The following PTPRE variants were observed in gnomAD, a reference collection of about 807,000 sequenced individuals.
PTPRE encodes the protein receptor-type tyrosine-protein phosphatase epsilon.
Under a neutral mutation model 102.0 loss-of-function variants are expected in PTPRE, and 51 were observed. That is an observed-to-expected ratio of 0.50 (90% CI 0.40 to 0.63). The LOEUF (loss-of-function observed/expected upper bound fraction) is 0.63. PTPRE is among the 30% of genes least tolerant of loss of function. The pLI, the probability that PTPRE is intolerant of heterozygous loss-of-function variation, is 0.00. For synonymous variants in PTPRE, 345 were observed against 348.2 expected, an observed-to-expected ratio of 0.99 and a Z score of 0.10; for missense variants, 752 against 915.1, an observed-to-expected ratio of 0.82 and a Z score of 2.30.
Position 128,082,815 on chromosome 10 carries a change from C to A in PTPRE, c.2029-17C>A. 1 of 1,547,594 alleles carries A rather than the reference C, an allele frequency of 6.5e-7. No individual in the cohort carries two copies. Among genetic ancestry groups the A allele is most frequent in the South Asian group, 1.3e-5 (1 of 76,644 alleles). Reference sequence around the variant, plus strand: ...TTTGGGAATATCATTTTAATGTGTCCTTGTTTGTCTTTTCAGGAACAGTAT... The same window carrying A: ...TTTGGGAATATCATTTTAATGTGTCATTGTTTGTCTTTTCAGGAACAGTAT... On this transcript the variant is annotated splice_polypyrimidine_tract_variant and intron_variant, in intron 20 of 20. Transcript: ENST00000254667.
At chr10:128,067,625 A>T (rs749009488) in intron 11 of PTPRE, among the ~76,000 whole-genome samples, 8 of 152,332 alleles carry the variant, frequency 5.3e-5, no homozygotes, top group Middle Eastern at 3.4e-3. Context: ...AATTAAACTC[A>T]TGGGCTCTGG....
chr10:127,973,629 T>A (rs772487649), intron 1 of PTPRE, among the ~76,000 whole-genome samples: 9 of 152,190 alleles, frequency 5.9e-5, no homozygotes, highest in Non-Finnish European at 1.2e-4. Context: ...CAAACGTCTC[T>A]GCTCTGAGTA....
At chr10:128,041,977 A>G (rs1296841016) in intron 3 of PTPRE, among the ~76,000 whole-genome samples, 1 of 152,222 alleles carries the variant, frequency 6.6e-6, no homozygotes, top group Non-Finnish European at 1.5e-5. Flanking sequence ...CAGAACCTCT[A>G]GCAAGGAGAG....
intron 1 of PTPRE, among the ~76,000 whole-genome samples, chr10:127,923,237 G>A (rs970580102): frequency 6.6e-6 from 1 of 152,212 alleles, no homozygotes; most frequent in African/African-American, 2.4e-5. Flanking sequence ...CACCTTATCA[G>A]GTGAGGGGTG....
At position 128,082,932 on chromosome 10, in the gene PTPRE, A is replaced by G. The variant is rs1564983856; in HGVS notation, c.*26A>G. On this transcript the variant is annotated 3_prime_UTR_variant, in exon 21 of 21. Transcript: ENST00000254667. ...AGATTCCTGCCTTAAAATATTTTTT[A>G]ATTTAATGGTCAGTATATTTTGTAA... 3 of 1,512,406 alleles carry G rather than the reference A, an allele frequency of 2.0e-6. No individual in the cohort carries two copies. The highest frequency in any genetic ancestry group is 2.7e-6 in the Non-Finnish European group (3 of 1,129,084). 93.7% of individuals were successfully genotyped at this position (1,512,406 alleles called of 1,614,324 possible).
intron 17 of PTPRE, among the ~76,000 whole-genome samples, chr10:128,074,704 A>G (rs1851079714): frequency 6.6e-6 from 1 of 151,948 alleles, no homozygotes; most frequent in Non-Finnish European, 1.5e-5. Context: ...TTCAGGTAGT[A>G]GTTTTTGTAT....
chr10:128,028,146 C>T lies in PTPRE; in HGVS notation c.-7-12729C>T, dbSNP rs990934595. 2.6e-5 allele frequency among the ~76,000 whole-genome samples: 4 copies of T among 152,198 alleles called. No individual in the cohort carries two copies. Among genetic ancestry groups the T allele is most frequent in the Admixed American group, 2.0e-4 (3 of 15,290 alleles). On this transcript the variant is annotated intron_variant, in intron 2 of 20. Transcript: ENST00000254667. This position sits in a 1 kb window ranked among gnomAD's most constrained non-coding sequence, Gnocchi z 4.5. ...GAGAACACTGTACTTCGCCAGCCTG[C>T]GGCAGACACATTATTCACAGAACTT...
rs1184061080 is a variant in PTPRE, at chr10:127,995,919, C to G, written c.-8+13623C>G. Among the ~76,000 whole-genome samples the G allele has an allele frequency of 2.6e-5, 4 of 152,034 alleles. No individual in the cohort carries two copies. In the East Asian group the frequency reaches 7.7e-4, roughly 29 times the overall value. ...ATTTGACCTCTATTTGTAAAGGGTGCATTAGCGTGAAATGGAGGGGGGCTT... is the reference window on the plus strand; with the variant it reads ...ATTTGACCTCTATTTGTAAAGGGTGGATTAGCGTGAAATGGAGGGGGGCTT... On this transcript the variant is annotated intron_variant, in intron 2 of 20. Transcript: ENST00000254667.
At position 128,070,989 on chromosome 10, in the gene PTPRE, C is replaced by T. The variant is rs1330904346; in HGVS notation, c.1387+88C>T. The T allele has an allele frequency of 7.6e-7, 1 of 1,318,838 alleles. No individual in the cohort carries two copies. The highest frequency in any genetic ancestry group is 2.4e-5 in the East Asian group (1 of 42,048). 81.7% of individuals were successfully genotyped at this position (1,318,838 alleles called of 1,614,324 possible). On this transcript the variant is annotated intron_variant, in intron 15 of 20. Coordinates refer to ENST00000254667, the MANE Select transcript of PTPRE (RefSeq NM_006504.6). The surrounding 1 kb of genome is among the most constrained non-coding windows in gnomAD (Gnocchi z 4.8). ...CCTGGAGAAGCCATTGACCGCTTAC[C>T]CCTGTGCACCAGGGTCAAAAGCAGG... is the stretch of plus-strand genomic sequence containing the variant.
intron 1 of PTPRE, among the ~76,000 whole-genome samples, chr10:127,922,413 A>G (rs1846668616): frequency 6.6e-6 from 1 of 152,140 alleles, no homozygotes; most frequent in Admixed American, 6.5e-5. Context: ...CCTGCTCTGG[A>G]GACTCCGTGG....
rs1564962609 is a variant in PTPRE at position 128,070,325 on chromosome 10, GC to G, written c.1170del (p.Leu391TyrfsTer43). On this transcript the variant is annotated frameshift_variant, in exon 14 of 21. Transcript: ENST00000254667. LOFTEE classifies it high-confidence loss of function. This position sits in a 1 kb window ranked among gnomAD's most constrained non-coding sequence, Gnocchi z 4.8. ...GATGCAGTACACGTTCATCTACCAA[GC>G]CTTACTCGAGTACTACCTCTACGGG... ...TDMQYTFIYQ[A>X]LLEYYLYGDT... 6.2e-7 allele frequency: 1 copy of G among 1,613,382 alleles called. No individual in the cohort carries two copies. The highest frequency in any genetic ancestry group is 8.5e-7 in the Non-Finnish European group (1 of 1,179,664).
chr10:128,030,598 C>A (rs1260802040), intron 2 of PTPRE, among the ~76,000 whole-genome samples: 1 of 152,196 alleles, frequency 6.6e-6, no homozygotes. Context: ...TGGAGCACCT[C>A]CTCTGTGGCA....
At chr10:127,920,003 G>A (rs963520362) in intron 1 of PTPRE, among the ~76,000 whole-genome samples, 1 of 152,030 alleles carries the variant, frequency 6.6e-6, no homozygotes, top group Non-Finnish European at 1.5e-5. Flanking sequence ...TGGCATCTTG[G>A]AAATTGGAGC....
Position 127,907,219 on chromosome 10 carries a change from C to CCGGGCGCCCCGGAGGGCGGCGGG in PTPRE, c.-119_-97dup. 1.0e-6 allele frequency: 1 copy of CCGGGCGCCCCGGAGGGCGGCGGG among 981,308 alleles called. No homozygotes were observed. Among genetic ancestry groups the CCGGGCGCCCCGGAGGGCGGCGGG allele is most frequent in the Non-Finnish European group, 1.2e-6 (1 of 826,750 alleles). 60.8% of individuals were successfully genotyped at this position (981,308 alleles called of 1,614,324 possible). On this transcript the variant is annotated 5_prime_UTR_variant, in exon 1 of 21. Coordinates refer to ENST00000254667, the MANE Select transcript of PTPRE (RefSeq NM_006504.6). The surrounding 1 kb of genome is among the most constrained non-coding windows in gnomAD (Gnocchi z 4.8). ...CCTTCTTCGCGCCCGGCGAAGACAG[C>CCGGGCGCCCCGGAGGGCGGCGGG]CGGGCGCCCCGGAGGGCGGCGGGCA...
intron 1 of PTPRE, among the ~76,000 whole-genome samples, chr10:127,947,037 G>GC (rs1848672744): frequency 7.2e-6 from 1 of 138,408 alleles, no homozygotes; most frequent in African/African-American, 2.8e-5. Flanking sequence ...AAAAAAAAAA[G>GC]CTATATGTTT....
chr10:127,907,849 G>T lies in PTPRE; in HGVS notation c.-31+540G>T, dbSNP rs144028865. On this transcript the variant is annotated intron_variant, in intron 1 of 20. Transcript: ENST00000254667. This position sits in a 1 kb window ranked among gnomAD's most constrained non-coding sequence, Gnocchi z 4.8. ...GCCTTCCCAGGGAGGCAGGTGGAGCGGGATGCAGCAGCCGCCGGGGGTCGG... is the reference window on the plus strand; with the variant it reads ...GCCTTCCCAGGGAGGCAGGTGGAGCTGGATGCAGCAGCCGCCGGGGGTCGG... Among the ~76,000 whole-genome samples, 926 of 152,310 alleles carry T rather than the reference G, an allele frequency of 6.1e-3. 6 individuals carry two copies. Among genetic ancestry groups the T allele is most frequent in the Middle Eastern group, 0.017 (5 of 294 alleles).
chr10:127,952,978 G>A (rs920246094), intron 1 of PTPRE, among the ~76,000 whole-genome samples: 4 of 152,116 alleles, frequency 2.6e-5, no homozygotes, highest in Non-Finnish European at 4.4e-5. Flanking sequence ...AGTGGTATGG[G>A]GCATGTCAAG....
chr10:128,085,419 T>C lies in PTPRE; in HGVS notation c.*2513T>C. ...TTGGGTTCAAATGCCAAATAGTGAT[T>C]AGAAGACGACCATTCTGATCTGTGT... On this transcript the variant is annotated 3_prime_UTR_variant, in exon 21 of 21. Coordinates refer to ENST00000254667, the MANE Select transcript of PTPRE (RefSeq NM_006504.6). The C allele has an allele frequency of 4.8e-6, 1 of 208,586 alleles. No individual in the cohort carries two copies. The highest frequency in any genetic ancestry group is 1.0e-5 in the Non-Finnish European group (1 of 98,566). The allele number at this position is 208,586 out of a possible 1,614,324, so 12.9% of individuals were successfully genotyped here.
chr10:127,985,983 T>C (rs891153097), intron 2 of PTPRE, among the ~76,000 whole-genome samples: 2 of 152,016 alleles, frequency 1.3e-5, no homozygotes, highest in Admixed American at 6.5e-5. Context: ...CCCAGCTACT[T>C]GAGAGGCTGA....
Sources: allele counts gnomAD v4.1 joint callset (sites outside exome capture counted in the v4.1 genomes callset), GRCh38; gene constraint gnomAD v4.1.1; non-coding constraint Gnocchi (gnomAD v3.1); transcripts MANE v1.5; gene names NCBI Gene and HGNC (gene_info 2026-07-23, HGNC 2026-07-21).